Variants in MYEF2 observed in about 807,000 individuals in gnomAD.
MYEF2 encodes the protein myelin expression factor 2.
MYEF2 carries 37 observed loss-of-function variants against 75.2 expected under a neutral mutation model. That is an observed-to-expected ratio of 0.49 (90% CI 0.38 to 0.65). MYEF2 has a LOEUF of 0.65. MYEF2 is among the 30% of genes least tolerant of loss of function. The pLI is 0.00. For missense variants in MYEF2, 634 were observed against 771.4 expected (o/e 0.82, Z 2.11); for synonymous variants, 195 against 241.6 (o/e 0.81, Z 1.79).
chr15:48,167,033 G>A (rs919338079), intron 3 of MYEF2, among the ~76,000 whole-genome samples: 3 of 151,856 alleles, frequency 2.0e-5, no homozygotes, highest in African/African-American at 7.3e-5. Context: ...TCAATTCAGT[G>A]ACTTTTAAAG....
At chr15:48,166,912 CCTCT>C (rs1196895484) in intron 3 of MYEF2, among the ~76,000 whole-genome samples, 2 of 151,978 alleles carry the variant, frequency 1.3e-5, no homozygotes, top group Non-Finnish European at 2.9e-5. Context: ...CAGAGCACTG[CCTCT>C]CATGTAGTCC....
At chr15:48,152,726 T>C (rs1189341176) in intron 10 of MYEF2, 1 of 158,042 alleles carries the variant, frequency 6.3e-6, no homozygotes, top group Non-Finnish European at 1.4e-5. Flanking sequence ...ATTTTCAAAA[T>C]ATAAATAGTA....
chr15:48,163,603 A>G (rs570469964), intron 5 of MYEF2, among the ~76,000 whole-genome samples: 1 of 152,328 alleles, frequency 6.6e-6, no homozygotes, highest in African/African-American at 2.4e-5. Flanking sequence ...AGTCTTCTAT[A>G]GAAAGAAGAT....
At chr15:48,157,730 C>T in intron 9 of MYEF2, 1 of 1,147,194 alleles carries the variant, frequency 8.7e-7, no homozygotes, top group Non-Finnish European at 1.1e-6. Context: ...GACTTTTTTT[C>T]CTTCAAGTGT....
intron 5 of MYEF2, among the ~76,000 whole-genome samples, chr15:48,163,757 A>C (rs1225534941): frequency 2.0e-5 from 3 of 152,144 alleles, no homozygotes; most frequent in African/African-American, 7.2e-5. Context: ...CCATTCTGAA[A>C]ATCCTAGGGC....
At chr15:48,176,845 A>G (rs1374470215) in intron 1 of MYEF2, among the ~76,000 whole-genome samples, 2 of 152,164 alleles carry the variant, frequency 1.3e-5, no homozygotes, top group Admixed American at 1.3e-4. Flanking sequence ...TCATCCAGGA[A>G]TAAACTCCAC....
rs1231301486 is a variant in MYEF2, at chr15:48,159,720, C to T, written c.610G>A (p.Gly204Arg). Reference protein sequence around the residue: ...PGGHVPDMGSGLMNLPPSILN... With the variant: ...PGGHVPDMGSRLMNLPPSILN... The stretch of plus-strand genomic sequence containing the variant: ...ATGGAAGGTGGTAAATTCATCAACC[C>T]TGATCCCATATCAGGGACGTGTCCT... Residue 204 changes from glycine to arginine, a missense_variant, in exon 6 of 17, where the codon GGG becomes AGG. Coordinates refer to ENST00000324324, the MANE Select transcript of MYEF2 (RefSeq NM_016132.5). 6.2e-7 allele frequency: 1 copy of T among 1,613,634 alleles called. No homozygotes were observed. The highest frequency in any genetic ancestry group is 1.3e-5 in the African/African-American group (1 of 74,986).
At chr15:48,144,819 G>A (rs1012833802) in intron 16 of MYEF2, among the ~76,000 whole-genome samples, 1 of 151,748 alleles carries the variant, frequency 6.6e-6, no homozygotes. Context: ...AACTGTGGAG[G>A]ATTTTCAAGG....
intron 1 of MYEF2, 149 bp downstream of exon 1, chr15:48,177,928 C>A: frequency 9.1e-7 from 1 of 1,104,516 alleles, no homozygotes; most frequent in Non-Finnish European, 1.3e-6. Context: ...AGCGGCCCAG[C>A]TGCACCTGCT....
intron 9 of MYEF2, among the ~76,000 whole-genome samples, chr15:48,156,838 C>T (rs944123133): frequency 6.6e-6 from 1 of 150,730 alleles, no homozygotes; most frequent in African/African-American, 2.4e-5. Context: ...ATTTTAAATC[C>T]AACAAAACAA....
At chr15:48,174,027 T>A (rs2040427757) in intron 1 of MYEF2, among the ~76,000 whole-genome samples, 1 of 152,060 alleles carries the variant, frequency 6.6e-6, no homozygotes, top group Non-Finnish European at 1.5e-5. Context: ...AGATCTCAAA[T>A]GGCTAAAGCA....
rs761328425 is a variant in MYEF2, at chr15:48,158,021, T to C, written c.957A>G (p.Ser319=). The C allele has an allele frequency of 1.2e-6, 2 of 1,613,198 alleles. No homozygotes were observed. Among genetic ancestry groups the C allele is most frequent in the South Asian group, 2.2e-5 (2 of 91,036 alleles). The stretch of plus-strand genomic sequence containing the variant: ...GTAATTGTGGTGTTTTACCATCATG[T>C]GAACGGTACTCTTCATGAGGAACAG... ...DKSVPHEEYR[S]HDGKTPQLPR... The change falls in exon 9 of 17, where the codon TCA becomes TCG. Residue 319 remains serine (S), a synonymous_variant. Transcript: ENST00000324324.
At chr15:48,145,806 G>A (rs1365999128) in intron 16 of MYEF2, among the ~76,000 whole-genome samples, 1 of 151,852 alleles carries the variant, frequency 6.6e-6, no homozygotes, top group Non-Finnish European at 1.5e-5. Flanking sequence ...GAAAAGCAAA[G>A]TATTCTGTTG....
rs2039126348 is a variant in MYEF2 at position 48,142,477 on chromosome 15, A to C, written c.*431T>G. On this transcript the variant is annotated 3_prime_UTR_variant, in exon 17 of 17. Coordinates refer to ENST00000324324, the MANE Select transcript of MYEF2 (RefSeq NM_016132.5). The stretch of plus-strand genomic sequence containing the variant: ...AGAATCTAAAACTTACAGTAATTTA[A>C]AACCAACCAAAATCACATCCTAATT... 5 of 691,984 alleles carry C rather than the reference A, an allele frequency of 7.2e-6. No individual in the cohort carries two copies. The highest frequency in any genetic ancestry group is 1.1e-5 in the Non-Finnish European group (5 of 460,796). The allele number at this position is 691,984 out of a possible 1,614,324, so 42.9% of individuals were successfully genotyped here.
In MYEF2 at chr15:48,138,941, T is replaced by TAA. The variant is rs750005403; in HGVS notation, c.*3966_*3967insTT. 8 of 1,557,142 alleles carry TAA rather than the reference T, an allele frequency of 5.1e-6. No individual in the cohort carries two copies. The South Asian group carries it at 8.0e-5, about 16-fold the overall frequency. On this transcript the variant is annotated 3_prime_UTR_variant, in exon 17 of 17. Transcript: ENST00000324324. The stretch of plus-strand genomic sequence containing the variant: ...AACTTAATTAGCCATTTGAGAAAAC[T>TAA]CAAAAGTGTTTACTTTTTCCACAAC...
Position 48,136,868 on chromosome 15 carries a change from G to A in MYEF2, c.*6040C>T, listed in dbSNP as rs923066036. ...GAAGATGAAGGTCAACCATTCATTC[G>A]TCGGCAATCAAGAACTGATAGTGGA... On this transcript the variant is annotated 3_prime_UTR_variant, in exon 17 of 17. Transcript: ENST00000324324. The A allele has an allele frequency of 1.1e-5, 17 of 1,613,676 alleles. No individual in the cohort carries two copies. The African/African-American group carries it at 1.5e-4, about 14-fold the overall frequency.
chr15:48,151,463 C>T lies in MYEF2; in HGVS notation c.1306+10G>A. 1 of 1,607,572 alleles carries T rather than the reference C, an allele frequency of 6.2e-7. No homozygotes were observed. Among genetic ancestry groups the T allele is most frequent in the South Asian group, 1.1e-5 (1 of 90,898 alleles). On this transcript the variant is annotated intron_variant, in intron 13 of 16. Transcript: ENST00000324324. ...CAAAAAGAAAAGGAGAAGTATGCAG[C>T]CAGCCCTACCAAGTCTACCAAAGGA...
rs1243836996 is a variant in MYEF2, at chr15:48,137,514, T to A, written c.*5394A>T. The A allele has an allele frequency of 6.6e-6, 1 of 152,190 alleles. No individual in the cohort carries two copies. Among genetic ancestry groups the A allele is most frequent in the Non-Finnish European group, 1.5e-5 (1 of 68,054 alleles). The allele number at this position is 152,190 out of a possible 1,614,324, so 9.4% of individuals were successfully genotyped here. On this transcript the variant is annotated 3_prime_UTR_variant, in exon 17 of 17. Transcript: ENST00000324324. ...ATTATTAGAACTGTTATCTTAGTAA[T>A]GTTACCCAAAATGATGTTCACCGAA... is the stretch of plus-strand genomic sequence containing the variant.
intron 7 of MYEF2, 146 bp from the exon 8 acceptor site, chr15:48,158,370 C>A: frequency 1.5e-6 from 1 of 682,878 alleles, no homozygotes. Flanking sequence ...CTTTCATATA[C>A]TCAAAAAAAT....
Sources: allele counts gnomAD v4.1 joint callset (sites outside exome capture counted in the v4.1 genomes callset), GRCh38; gene constraint gnomAD v4.1.1; transcripts MANE v1.5; gene names NCBI Gene and HGNC (gene_info 2026-07-23, HGNC 2026-07-21).